GAN: variants seen among roughly 807,000 people sequenced by gnomAD.
GAN encodes the protein epididymis secretory sperm binding protein.
GAN carries 48 observed loss-of-function variants against 71.3 expected under a neutral mutation model. The ratio of observed to expected loss-of-function variants is 0.67; its 90% CI spans 0.53 to 0.86. GAN has a LOEUF of 0.86. Among genes scored for constraint, GAN ranks in the 40% least tolerant of loss-of-function variants. The pLI is 0.00. For synonymous variants in GAN, 386 were observed against 276.8 expected (o/e 1.39, Z -3.92); for missense variants, 928 against 770.1 (o/e 1.21, Z -2.43).
At chr16:81,355,274 G>T (rs1285524235) in intron 3 of GAN, among the ~76,000 whole-genome samples, 5 of 152,180 alleles carry the variant, frequency 3.3e-5, no homozygotes, top group African/African-American at 1.2e-4. Flanking sequence ...AAGAGGGAAG[G>T]TTCTGGGAGT....
Position 81,356,892 on chromosome 16 carries a change from G to A in GAN, c.741G>A (p.Glu247=), listed in dbSNP as rs781606880. Residue 247 remains glutamate, a synonymous_variant, in exon 4 of 11, where the codon GAG becomes GAA. Coordinates refer to ENST00000648994, the MANE Select transcript of GAN (RefSeq NM_022041.4). ...CATTAGTACGAGAAATTGTCAAAGA[G>A]TGTAGCAATATACCGCTCAGCCAGC... ...NEPLVREIVK[E]CSNIPLSQPQ... 1.4e-5 allele frequency: 23 copies of A among 1,613,788 alleles called. No homozygotes were observed. The highest frequency in any genetic ancestry group is 1.8e-5 in the Non-Finnish European group (21 of 1,179,816).
chr16:81,352,711 C>G (rs1910339707), intron 2 of GAN, among the ~76,000 whole-genome samples: 1 of 152,148 alleles, frequency 6.6e-6, no homozygotes, highest in African/African-American at 2.4e-5. Context: ...GGTTTGATTT[C>G]ATGCTTTCTC....
At chr16:81,371,410 T>C (rs1010927717) in intron 9 of GAN, among the ~76,000 whole-genome samples, 2 of 152,248 alleles carry the variant, frequency 1.3e-5, no homozygotes, top group East Asian at 1.9e-4. Context: ...GTTACTATTA[T>C]GTTTTTGAAG....
At chr16:81,340,088 A>G (rs1279808995) in intron 1 of GAN, among the ~76,000 whole-genome samples, 13 of 152,146 alleles carry the variant, frequency 8.5e-5, no homozygotes, top group African/African-American at 2.9e-4. Context: ...AAAAACCTGT[A>G]TTCTTTATAT....
chr16:81,347,926 G>A (rs1369587965), intron 1 of GAN, among the ~76,000 whole-genome samples: 1 of 151,670 alleles, frequency 6.6e-6, no homozygotes, highest in Non-Finnish European at 1.5e-5. Flanking sequence ...TTGGTTGGGG[G>A]GACATTACTT....
chr16:81,341,336 TA>T (rs557960363), intron 1 of GAN, among the ~76,000 whole-genome samples: 1 of 151,302 alleles, frequency 6.6e-6, no homozygotes, highest in East Asian at 2.0e-4. Flanking sequence ...CCAAGACACA[TA>T]GATTCACCAA....
At position 81,365,427 on chromosome 16, in the gene GAN, G is replaced by C; in HGVS notation, c.1451G>C (p.Gly484Ala). ...GTCCGAAGTCGTGAGGACGCCCAGG[G>C]TAGCGAGATGGTAACTTGCAAGTCC... Reference protein sequence around the residue: ...GGVRSREDAQGSEMVTCKSEF... With the variant: ...GGVRSREDAQASEMVTCKSEF... The change falls in exon 9 of 11, where the codon GGT becomes GCT. Residue 484 changes from glycine to alanine, a missense_variant. Transcript: ENST00000648994. 6.2e-7 allele frequency: 1 copy of C among 1,613,704 alleles called. No individual in the cohort carries two copies. The highest frequency in any genetic ancestry group is 1.7e-5 in the Admixed American group (1 of 59,970).
intron 1 of GAN, among the ~76,000 whole-genome samples, chr16:81,342,320 C>G (rs952510640): frequency 6.6e-6 from 1 of 152,210 alleles, no homozygotes; most frequent in Non-Finnish European, 1.5e-5. Flanking sequence ...CCCAAATCAA[C>G]AGAATATACA....
chr16:81,374,025 G>A (rs752397279), intron 9 of GAN, among the ~76,000 whole-genome samples: 2 of 152,214 alleles, frequency 1.3e-5, no homozygotes, highest in Non-Finnish European at 2.9e-5. Flanking sequence ...ACAGGCGTGA[G>A]CCACTGCACT....
intron 9 of GAN, among the ~76,000 whole-genome samples, chr16:81,374,533 T>C (rs1402677680): frequency 6.6e-6 from 1 of 152,208 alleles, no homozygotes; most frequent in Admixed American, 6.5e-5. Flanking sequence ...ACCTGTCCCT[T>C]TTTCCTGTTA....
chr16:81,336,500 G>C lies in GAN; in HGVS notation c.168-15083G>C, dbSNP rs4889306. Among the ~76,000 whole-genome samples, 468 of 152,020 alleles carry C rather than the reference G, an allele frequency of 3.1e-3. 1 individual carries two copies. Among genetic ancestry groups the C allele is most frequent in the Admixed American group, 4.8e-3 (74 of 15,292 alleles). Reference sequence around the variant, plus strand: ...TTATTTTGAGATAGGGTCTCACTCTGTTGCCCAGGCTGAAGTGCAGTGGCA... The same window carrying C: ...TTATTTTGAGATAGGGTCTCACTCTCTTGCCCAGGCTGAAGTGCAGTGGCA... On this transcript the variant is annotated intron_variant, in intron 1 of 10. Transcript: ENST00000648994.
At chr16:81,322,445 A>C (rs571527636) in intron 1 of GAN, among the ~76,000 whole-genome samples, 1 of 152,380 alleles carries the variant, frequency 6.6e-6, no homozygotes, top group East Asian at 1.9e-4. Context: ...TAGAGGGCCA[A>C]TGCGTATCAT....
intron 1 of GAN, among the ~76,000 whole-genome samples, chr16:81,328,141 G>T (rs954598372): frequency 2.6e-5 from 4 of 152,082 alleles, no homozygotes; most frequent in African/African-American, 9.7e-5. Flanking sequence ...TCAAAATGAC[G>T]CGAACTAGAT....
intron 1 of GAN, among the ~76,000 whole-genome samples, chr16:81,347,012 A>G (rs1469838847): frequency 6.6e-6 from 1 of 152,236 alleles, no homozygotes; most frequent in Non-Finnish European, 1.5e-5. Flanking sequence ...GATAACCAGC[A>G]CAGTGACTGA....
chr16:81,350,672 C>T (rs1156447891), intron 1 of GAN, among the ~76,000 whole-genome samples: 1 of 152,126 alleles, frequency 6.6e-6, no homozygotes, highest in Non-Finnish European at 1.5e-5. Context: ...TATGCCACCA[C>T]CACTCCCAGT....
At chr16:81,320,229 T>A (rs1909181731) in intron 1 of GAN, among the ~76,000 whole-genome samples, 2 of 152,242 alleles carry the variant, frequency 1.3e-5, no homozygotes, top group South Asian at 2.1e-4. Flanking sequence ...AGGTCCAAGT[T>A]TCATAGTAAC....
chr16:81,321,240 AG>A (rs1480269919), intron 1 of GAN, among the ~76,000 whole-genome samples: 3 of 152,248 alleles, frequency 2.0e-5, no homozygotes, highest in African/African-American at 7.2e-5. Context: ...TCTGTAGCAT[AG>A]AGGGAAGTGT....
At chr16:81,360,733 A>C (rs1910646391) in intron 5 of GAN, among the ~76,000 whole-genome samples, 2 of 151,836 alleles carry the variant, frequency 1.3e-5, no homozygotes, top group Non-Finnish European at 2.9e-5. Context: ...CATTTGTTTA[A>C]ATTATCTTTG....
intron 9 of GAN, among the ~76,000 whole-genome samples, chr16:81,375,922 A>G (rs1904278294): frequency 6.7e-6 from 1 of 150,030 alleles, no homozygotes; most frequent in South Asian, 2.1e-4. Context: ...GTGAGCTGTG[A>G]TTGCACCACT....
Sources: allele counts gnomAD v4.1 joint callset (sites outside exome capture counted in the v4.1 genomes callset), GRCh38; gene constraint gnomAD v4.1.1; transcripts MANE v1.5; gene names NCBI Gene and HGNC (gene_info 2026-07-23, HGNC 2026-07-21).